The following DCC variants were observed in gnomAD, a reference collection of about 807,000 sequenced individuals.
DCC encodes the protein DCC netrin 1 receptor, also known as netrin receptor DCC.
DCC carries 58 observed loss-of-function variants against 172.5 expected under a neutral mutation model. The ratio of observed to expected loss-of-function variants is 0.34; its 90% CI spans 0.27 to 0.42. The LOEUF (loss-of-function observed/expected upper bound fraction) is 0.42, where lower values mean the gene tolerates loss of function less well. Among genes scored for constraint, DCC ranks in the 10% least tolerant of loss-of-function variants. DCC has a pLI of 1.00. For missense variants in DCC, 1,740 were observed against 1,791.0 expected, an observed-to-expected ratio of 0.97 and a Z score of 0.51; for synonymous variants, 709 against 644.5, an observed-to-expected ratio of 1.10 and a Z score of -1.52.
At chr18:53,460,742 C>T (rs1270919331) in intron 24 of DCC, among the ~76,000 whole-genome samples, 7 of 152,182 alleles carry the variant, frequency 4.6e-5, no homozygotes, top group Middle Eastern at 3.4e-3. Context: ...AATAAACATA[C>T]GTGTGCATGT....
intron 21 of DCC, among the ~76,000 whole-genome samples, chr18:53,419,056 A>T (rs1235532056): frequency 1.3e-5 from 2 of 152,166 alleles, no homozygotes; most frequent in Non-Finnish European, 2.9e-5. Context: ...GAGATAAACC[A>T]GAGTTTCGTT....
intron 1 of DCC, among the ~76,000 whole-genome samples, chr18:52,585,513 T>C (rs920952446): frequency 6.6e-6 from 1 of 152,180 alleles, no homozygotes; most frequent in East Asian, 1.9e-4. Context: ...TGGCTAATAG[T>C]TTCTTAGTTT....
chr18:52,762,859 T>C (rs927020895), intron 2 of DCC, among the ~76,000 whole-genome samples: 1 of 152,200 alleles, frequency 6.6e-6, no homozygotes, highest in African/African-American at 2.4e-5. Context: ...ATATAGTTTG[T>C]GTGACAGGAT....
chr18:52,620,985 T>C (rs1450200884), intron 1 of DCC, among the ~76,000 whole-genome samples: 3 of 152,190 alleles, frequency 2.0e-5, no homozygotes, highest in African/African-American at 4.8e-5. Context: ...CTCTTCATAT[T>C]TGAGTGCTGG....
At chr18:52,751,702 A>C (rs890236175) in intron 1 of DCC, among the ~76,000 whole-genome samples, 1 of 152,172 alleles carries the variant, frequency 6.6e-6, no homozygotes, top group African/African-American at 2.4e-5. Context: ...CCACACTAAT[A>C]ACTATTGCTA....
At chr18:52,416,218 T>C (rs1316978161) in intron 1 of DCC, among the ~76,000 whole-genome samples, 1 of 152,262 alleles carries the variant, frequency 6.6e-6, no homozygotes, top group Non-Finnish European at 1.5e-5. Flanking sequence ...TCTAGTTTGA[T>C]TGCACTGTGG....
intron 13 of DCC, among the ~76,000 whole-genome samples, chr18:53,309,919 CGTGT>C (rs200820279): frequency 0.05 from 4,991 of 98,962 alleles, 279 homozygotes; most frequent in African/African-American, 0.18. Flanking sequence ...CATATATGTG[CGTGT>C]ATATATATAT....
intron 8 of DCC, among the ~76,000 whole-genome samples, chr18:53,159,017 AGGCATACCCATATT>A (rs1568337519): frequency 4.8e-5 from 7 of 146,090 alleles, no homozygotes; most frequent in Non-Finnish European, 9.0e-5. Context: ...AAGAAGATGT[AGGCATACCCATATT>A]GCCTTGTGCT....
intron 16 of DCC, among the ~76,000 whole-genome samples, chr18:53,387,549 C>T (rs192389751): frequency 5.9e-5 from 9 of 152,284 alleles, no homozygotes; most frequent in East Asian, 5.8e-4. Flanking sequence ...TACTATCAAA[C>T]GTGTTATCTC....
At chr18:53,014,636 C>T (rs2041781844) in intron 5 of DCC, among the ~76,000 whole-genome samples, 1 of 151,836 alleles carries the variant, frequency 6.6e-6, no homozygotes, top group Non-Finnish European at 1.5e-5. Context: ...TGTTTTTCTA[C>T]TTTAAAATGA....
chr18:53,498,306 C>A (rs1049913744), intron 26 of DCC, among the ~76,000 whole-genome samples: 1 of 152,170 alleles, frequency 6.6e-6, no homozygotes, highest in Non-Finnish European at 1.5e-5. Flanking sequence ...GTTAAAAATT[C>A]TCTTTCAAAA....
chr18:52,767,634 G>T (rs191681151), intron 2 of DCC, among the ~76,000 whole-genome samples: 6 of 152,100 alleles, frequency 3.9e-5, no homozygotes, highest in African/African-American at 1.2e-4. Context: ...TTGCCCGAAG[G>T]TCTAAATTTG....
chr18:53,458,728 C>A (rs146050148), intron 23 of DCC, among the ~76,000 whole-genome samples: 2 of 152,276 alleles, frequency 1.3e-5, no homozygotes, highest in Non-Finnish European at 2.9e-5. Flanking sequence ...GGCCTTTTGT[C>A]TTCAAATAAC....
intron 27 of DCC, among the ~76,000 whole-genome samples, chr18:53,505,665 G>A (rs769642767): frequency 8.5e-5 from 13 of 152,126 alleles, no homozygotes; most frequent in Non-Finnish European, 1.6e-4. Context: ...CCAGATAATC[G>A]TAAGAGAAAG....
At chr18:53,513,095 G>A (rs569226150) in intron 27 of DCC, among the ~76,000 whole-genome samples, 258 of 152,292 alleles carry the variant, frequency 1.7e-3, no homozygotes, top group Admixed American at 3.3e-3. Flanking sequence ...GAAGCCCATC[G>A]GACTAACAGC....
intron 1 of DCC, among the ~76,000 whole-genome samples, chr18:52,441,626 T>C (rs777339156): frequency 2.6e-5 from 4 of 152,146 alleles, no homozygotes; most frequent in Non-Finnish European, 5.9e-5. Flanking sequence ...GACAGAGTCA[T>C]TTTGGGAAAT....
chr18:52,915,327 C>T (rs967609254), intron 3 of DCC, among the ~76,000 whole-genome samples: 2 of 151,916 alleles, frequency 1.3e-5, no homozygotes, highest in African/African-American at 4.8e-5. Context: ...GTTTAGGGTC[C>T]CAGGTTGGAT....
At chr18:53,226,555 G>C (rs1475052269) in intron 12 of DCC, among the ~76,000 whole-genome samples, 1 of 151,984 alleles carries the variant, frequency 6.6e-6, no homozygotes, top group Non-Finnish European at 1.5e-5. Context: ...TAAAAACTTA[G>C]GGTATTTTTG....
At chr18:52,566,579 G>A (rs2033166094) in intron 1 of DCC, among the ~76,000 whole-genome samples, 1 of 152,110 alleles carries the variant, frequency 6.6e-6, no homozygotes, top group African/African-American at 2.4e-5. Flanking sequence ...GCAAACCACA[G>A]ATGGTGGTAG....
Sources: gnomAD v4.1 joint callset for allele counts (sites outside exome capture counted in the v4.1 genomes callset) on GRCh38, gnomAD v4.1.1 for gene constraint, MANE v1.5 for transcripts, NCBI Gene and HGNC (gene_info 2026-07-23, HGNC 2026-07-21) for gene names.